Variants in EYS observed in about 807,000 individuals in gnomAD.
The protein encoded by EYS is protein eyes shut homolog.
In EYS, 250 loss-of-function variants were observed where a neutral mutation model predicts 282.1. The observed-to-expected ratio is 0.89, with a 90% CI of 0.80 to 0.98. The LOEUF is 0.98. Among genes scored for constraint, EYS ranks in the 50% least tolerant of loss-of-function variants. The pLI, the probability that EYS is intolerant of heterozygous loss-of-function variation, is 0.00. For missense variants in EYS, 4,016 were observed against 3,709.0 expected (o/e 1.08, Z -2.15); for synonymous variants, 1,355 against 1,282.9 (o/e 1.06, Z -1.20).
At chr6:63,815,901 T>C (rs1359217516) in intron 36 of EYS, among the ~76,000 whole-genome samples, 2 of 152,082 alleles carry the variant, frequency 1.3e-5, no homozygotes, top group Non-Finnish European at 2.9e-5. Flanking sequence ...ATAAGGATGA[T>C]TTATCAAAAA....
intron 12 of EYS, among the ~76,000 whole-genome samples, chr6:65,152,351 T>TA (rs1237994964): frequency 6.6e-6 from 1 of 151,924 alleles, no homozygotes; most frequent in Non-Finnish European, 1.5e-5. Flanking sequence ...CTCTAACCCC[T>TA]AGTACCTCAA....
intron 31 of EYS, among the ~76,000 whole-genome samples, chr6:64,117,074 T>C (rs1361461110): frequency 6.6e-6 from 1 of 152,044 alleles, no homozygotes; most frequent in Admixed American, 6.6e-5. Flanking sequence ...CTGAACCTAA[T>C]AGAGATATAC....
chr6:64,861,143 C>T (rs1330910957), intron 19 of EYS, among the ~76,000 whole-genome samples: 1 of 152,244 alleles, frequency 6.6e-6, no homozygotes, highest in Non-Finnish European at 1.5e-5. Flanking sequence ...GGTGTCCAGG[C>T]TGTTCATGCC....
chr6:64,416,550 T>C (rs1403449836), intron 28 of EYS, among the ~76,000 whole-genome samples: 1 of 152,010 alleles, frequency 6.6e-6, no homozygotes, highest in Non-Finnish European at 1.5e-5. Context: ...CTGGTTTGTT[T>C]TGTCTTCCTT....
intron 5 of EYS, among the ~76,000 whole-genome samples, chr6:65,447,113 CT>C (rs1332055291): frequency 6.6e-6 from 1 of 151,036 alleles, no homozygotes; most frequent in Admixed American, 6.6e-5. Context: ...AGATTCAGTA[CT>C]TTTTTAAAGG....
intron 29 of EYS, among the ~76,000 whole-genome samples, chr6:64,388,292 A>C (rs1017601055): frequency 3.3e-5 from 5 of 152,152 alleles, no homozygotes; most frequent in Admixed American, 6.5e-5. Flanking sequence ...CAAAACACAG[A>C]CTGGGGATGG....
intron 11 of EYS, among the ~76,000 whole-genome samples, chr6:65,311,053 GAATAA>G: frequency 6.6e-6 from 1 of 151,410 alleles, no homozygotes; most frequent in Non-Finnish European, 1.5e-5. Context: ...TGGGGATGAT[GAATAA>G]AATATTATTT....
In EYS at chr6:65,672,499, T is replaced by C. The variant is rs142449217; in HGVS notation, c.-447-32607A>G. On this transcript the variant is annotated intron_variant, in intron 1 of 42. Transcript: ENST00000503581. Reference sequence around the variant, plus strand: ...AAGAAAAACTTTCCCTGTTTGGAGCTGGTCCACAAATACTGGGAGAGGGGG... The same window carrying C: ...AAGAAAAACTTTCCCTGTTTGGAGCCGGTCCACAAATACTGGGAGAGGGGG... Among the ~76,000 whole-genome samples the C allele has an allele frequency of 3.5e-3, 526 of 152,250 alleles. 2 individuals are homozygous for C. The highest frequency in any genetic ancestry group is 0.012 in the African/African-American group (487 of 41,558).
At chr6:65,233,330 G>T (rs530500312) in intron 12 of EYS, among the ~76,000 whole-genome samples, 2 of 152,072 alleles carry the variant, frequency 1.3e-5, no homozygotes, top group South Asian at 4.1e-4. Flanking sequence ...TCTGGCAGTG[G>T]TTATTATTGC....
At chr6:63,838,844 A>T (rs1340948349) in intron 36 of EYS, among the ~76,000 whole-genome samples, 1 of 152,136 alleles carries the variant, frequency 6.6e-6, no homozygotes, top group Non-Finnish European at 1.5e-5. Flanking sequence ...CTCTCTCTAC[A>T]GTCTCTTCAT....
At chr6:65,517,322 G>GT (rs1052322349) in intron 2 of EYS, among the ~76,000 whole-genome samples, 9 of 132,572 alleles carry the variant, frequency 6.8e-5, no homozygotes, top group South Asian at 2.4e-4. Flanking sequence ...TTTGGAATCT[G>GT]TTTTTTTCAA....
intron 42 of EYS, 53 bp from the exon 43 acceptor site, chr6:63,721,850 A>G: frequency 6.8e-7 from 1 of 1,479,902 alleles, no homozygotes; most frequent in Non-Finnish European, 9.0e-7. Context: ...GTTTCCATTG[A>G]AAACTTTTGC....
intron 24 of EYS, among the ~76,000 whole-genome samples, chr6:64,612,335 G>T (rs1238352268): frequency 2.0e-5 from 3 of 152,032 alleles, no homozygotes; most frequent in Non-Finnish European, 4.4e-5. Flanking sequence ...ACACTCATCG[G>T]TTAATGCATG....
intron 21 of EYS, among the ~76,000 whole-genome samples, chr6:64,814,515 T>C (rs143038353): frequency 1.3e-5 from 2 of 152,132 alleles, no homozygotes; most frequent in East Asian, 1.9e-4. Flanking sequence ...GAACAAGAAA[T>C]ATGTTTCTCT....
intron 26 of EYS, among the ~76,000 whole-genome samples, chr6:64,468,963 C>T (rs148797740): frequency 2.3e-3 from 356 of 152,230 alleles, no homozygotes; most frequent in African/African-American, 8.0e-3. Flanking sequence ...GCAGTGAACA[C>T]ACATGTGCAT....
At chr6:63,972,639 C>A (rs1039625280) in intron 35 of EYS, among the ~76,000 whole-genome samples, 1 of 152,056 alleles carries the variant, frequency 6.6e-6, no homozygotes, top group African/African-American at 2.4e-5. Context: ...TTGCTGCACC[C>A]ATCAACCCAT....
intron 12 of EYS, among the ~76,000 whole-genome samples, chr6:65,208,297 C>T (rs1228316373): frequency 3.3e-5 from 5 of 151,794 alleles, no homozygotes; most frequent in African/African-American, 1.2e-4. Context: ...TGTGCATAAA[C>T]AACAGATTTT....
At chr6:65,442,873 T>TATGTACATATATGTATATATAC (rs1768403227) in intron 5 of EYS, among the ~76,000 whole-genome samples, 2 of 103,532 alleles carry the variant, frequency 1.9e-5, no homozygotes, top group Non-Finnish European at 4.9e-5. Flanking sequence ...TATACATACA[T>TATGTACATATATGTATATATAC]ATACACATAC....
intron 5 of EYS, among the ~76,000 whole-genome samples, chr6:65,485,366 G>T (rs1765749686): frequency 6.6e-6 from 1 of 152,220 alleles, no homozygotes; most frequent in Admixed American, 6.5e-5. Flanking sequence ...ACTCTGTGAA[G>T]CACGTCTTTT....
Sources: allele counts gnomAD v4.1 joint callset (sites outside exome capture counted in the v4.1 genomes callset), GRCh38; gene constraint gnomAD v4.1.1; transcripts MANE v1.5; gene names NCBI Gene and HGNC (gene_info 2026-07-23, HGNC 2026-07-21).